FSTL5: variants seen among roughly 807,000 people sequenced by gnomAD.
FSTL5 encodes follistatin like 5, also known as follistatin-related protein 5.
In FSTL5, 62 loss-of-function variants were observed where a neutral mutation model predicts 89.1. That is an observed-to-expected ratio of 0.70 (90% CI 0.57 to 0.86). The LOEUF (loss-of-function observed/expected upper bound fraction) is 0.86, where lower values mean the gene tolerates loss of function less well. Among genes scored for constraint, FSTL5 ranks in the 40% least tolerant of loss-of-function variants. The pLI is 0.00. For missense variants in FSTL5, 1,057 were observed against 1,001.6 expected (o/e 1.06, Z -0.75); for synonymous variants, 383 against 346.2 (o/e 1.11, Z -1.18).
chr4:161,732,077 C>A (rs912687971), intron 6 of FSTL5, among the ~76,000 whole-genome samples: 1 of 91,746 alleles, frequency 1.1e-5, no homozygotes, highest in Non-Finnish European at 3.1e-5. Context: ...CAGTTCTATA[C>A]CGAACTTTGA....
chr4:161,822,036 T>A (rs1730510298), intron 4 of FSTL5, among the ~76,000 whole-genome samples: 1 of 152,162 alleles, frequency 6.6e-6, no homozygotes, highest in Non-Finnish European at 1.5e-5. Flanking sequence ...GTTGTACTAG[T>A]TTACATTCCC....
chr4:161,514,387 G>C (rs1452160527), intron 10 of FSTL5, among the ~76,000 whole-genome samples: 1 of 152,002 alleles, frequency 6.6e-6, no homozygotes, highest in Non-Finnish European at 1.5e-5. Flanking sequence ...TTCAAATATT[G>C]AACGTTCTCA....
intron 7 of FSTL5, among the ~76,000 whole-genome samples, chr4:161,618,309 T>C (rs1164577678): frequency 3.7e-5 from 5 of 133,838 alleles, no homozygotes; most frequent in East Asian, 4.2e-4. Flanking sequence ...ATTGAATACC[T>C]TTTATTTCCT....
At chr4:161,439,182 CA>C (rs1732676781) in intron 15 of FSTL5, among the ~76,000 whole-genome samples, 1 of 152,134 alleles carries the variant, frequency 6.6e-6, no homozygotes, top group African/African-American at 2.4e-5. Context: ...TGATAGATCT[CA>C]AAAGCCTGTC....
At chr4:161,476,175 T>TTTG (rs1734132329) in intron 13 of FSTL5, among the ~76,000 whole-genome samples, 2 of 97,710 alleles carry the variant, frequency 2.0e-5, no homozygotes, top group Non-Finnish European at 4.1e-5. Flanking sequence ...GTTTGCTGGT[T>TTTG]TTTTTTTTTT....
intron 13 of FSTL5, among the ~76,000 whole-genome samples, chr4:161,463,349 A>T (rs988788039): frequency 6.6e-6 from 1 of 152,190 alleles, no homozygotes; most frequent in African/African-American, 2.4e-5. Context: ...AAAGTAATAT[A>T]ACATACTTTA....
chr4:161,610,310 TG>T (rs1734590940), intron 7 of FSTL5, among the ~76,000 whole-genome samples: 2 of 152,146 alleles, frequency 1.3e-5, no homozygotes. Flanking sequence ...ATCACAAAAC[TG>T]TAGTCTTTAT....
intron 7 of FSTL5, among the ~76,000 whole-genome samples, chr4:161,603,478 C>T (rs1352210057): frequency 6.6e-6 from 1 of 152,074 alleles, no homozygotes; most frequent in Admixed American, 6.6e-5. Context: ...GAAAAGGTGG[C>T]TTTCTGCCAT....
At chr4:161,842,969 T>A (rs1731258338) in intron 4 of FSTL5, among the ~76,000 whole-genome samples, 1 of 152,172 alleles carries the variant, frequency 6.6e-6, no homozygotes, top group South Asian at 2.1e-4. Context: ...CCCACTATAT[T>A]TTTTAACATT....
intron 3 of FSTL5, among the ~76,000 whole-genome samples, chr4:161,977,612 C>CAAAAAAAAAAAA (rs796909244): frequency 6.3e-5 from 6 of 95,130 alleles, no homozygotes; most frequent in East Asian, 3.0e-4. Flanking sequence ...GACTCCGTGT[C>CAAAAAAAAAAAA]AAAAAAAAAA....
chr4:161,921,781 T>A (rs1734002289), intron 3 of FSTL5, among the ~76,000 whole-genome samples: 1 of 152,008 alleles, frequency 6.6e-6, no homozygotes, highest in African/African-American at 2.4e-5. Context: ...ACCTAACACA[T>A]CTGTAACTCA....
intron 4 of FSTL5, among the ~76,000 whole-genome samples, chr4:161,861,634 A>G (rs1216566084): frequency 6.6e-6 from 1 of 152,158 alleles, no homozygotes; most frequent in Non-Finnish European, 1.5e-5. Flanking sequence ...GTAGCATTAT[A>G]TTTTTTGATA....
At chr4:161,422,021 C>A (rs189245195) in intron 15 of FSTL5, among the ~76,000 whole-genome samples, 1 of 151,628 alleles carries the variant, frequency 6.6e-6, no homozygotes, top group Non-Finnish European at 1.5e-5. Context: ...TATTCAATAC[C>A]TTATATGTGC....
At chr4:161,480,967 G>T (rs1475007096) in intron 13 of FSTL5, 53 bp downstream of exon 13, 5 of 1,233,530 alleles carry the variant, frequency 4.1e-6, no homozygotes, top group African/African-American at 3.1e-5. Context: ...TTACTACAAT[G>T]ATATAAATAT....
rs535941096 is a variant in FSTL5, at chr4:161,778,808, A to T, written c.410-2734T>A. On this transcript the variant is annotated intron_variant, in intron 4 of 15. Coordinates refer to ENST00000306100, the MANE Select transcript of FSTL5 (RefSeq NM_020116.5). ...ATTTTGGTATCGGGGAAAGCAGCACAAAGGGAACCTTCAAATAGCAAACAT... is the reference window on the plus strand; with the variant it reads ...ATTTTGGTATCGGGGAAAGCAGCACTAAGGGAACCTTCAAATAGCAAACAT... Among the ~76,000 whole-genome samples, 11 of 152,366 alleles carry T rather than the reference A, an allele frequency of 7.2e-5. No individual in the cohort carries two copies. In the South Asian group the frequency reaches 2.3e-3, roughly 32 times the overall value.
rs532021614 is a variant in FSTL5 at position 162,053,009 on chromosome 4, T to C, written c.127-19351A>G. 3.2e-4 allele frequency among the ~76,000 whole-genome samples: 49 copies of C among 151,806 alleles called. 1 individual carries two copies. Among genetic ancestry groups the C allele is most frequent in the Middle Eastern group, 3.4e-3 (1 of 294 alleles). On this transcript the variant is annotated intron_variant, in intron 2 of 15. Coordinates refer to ENST00000306100, the MANE Select transcript of FSTL5 (RefSeq NM_020116.5). ...GGAAGAAGAGTTACATAGGGAATTGTGACAAAAAGTAATAAATGGATGGAA... is the reference window on the plus strand; with the variant it reads ...GGAAGAAGAGTTACATAGGGAATTGCGACAAAAAGTAATAAATGGATGGAA...
At chr4:161,909,291 T>C (rs576790692) in intron 4 of FSTL5, among the ~76,000 whole-genome samples, 1 of 152,254 alleles carries the variant, frequency 6.6e-6, no homozygotes, top group Admixed American at 6.5e-5. Context: ...ACTGCATCTA[T>C]GAGAGATGAA....
At chr4:161,582,524 C>T (rs113254292) in intron 8 of FSTL5, among the ~76,000 whole-genome samples, 11 of 152,162 alleles carry the variant, frequency 7.2e-5, no homozygotes, top group South Asian at 2.1e-4. Context: ...AAAAAACATG[C>T]GTTTAAAGTT....
chr4:161,887,379 T>C (rs1732839541), intron 4 of FSTL5, among the ~76,000 whole-genome samples: 1 of 146,990 alleles, frequency 6.8e-6, no homozygotes, highest in African/African-American at 2.5e-5. Flanking sequence ...TGTTTTGTAT[T>C]ATCTCTATCT....
Sources: allele counts gnomAD v4.1 joint callset (sites outside exome capture counted in the v4.1 genomes callset), GRCh38; gene constraint gnomAD v4.1.1; transcripts MANE v1.5; gene names NCBI Gene and HGNC (gene_info 2026-07-23, HGNC 2026-07-21).